Variants in EZH2 observed in about 807,000 individuals in gnomAD.
The protein encoded by EZH2 is enhancer of zeste 2 polycomb repressive complex 2 subunit.
EZH2 carries 18 observed loss-of-function variants against 98.4 expected under a neutral mutation model. That is an observed-to-expected ratio of 0.18 (90% confidence interval 0.13 to 0.27). The LOEUF is 0.27. EZH2 is among the 10% of genes least tolerant of loss of function. The pLI, the probability that EZH2 is intolerant of heterozygous loss-of-function variation, is 1.00. For synonymous variants in EZH2, 338 were observed against 312.3 expected (o/e 1.08, Z -0.87); for missense variants, 470 against 935.1 (o/e 0.50, Z 6.49).
chr7:148,856,248 T>C (rs1317390029), intron 1 of EZH2, among the ~76,000 whole-genome samples: 1 of 152,186 alleles, frequency 6.6e-6, no homozygotes, highest in African/African-American at 2.4e-5. Context: ...GAAAATACTC[T>C]ACATGTACAC....
chr7:148,826,530 G>A lies in EZH2; in HGVS notation c.831C>T (p.Ser277=). The part of the protein sequence containing the change: ...PNAKSVQREQ[S]LHSFHTLFCR... ...AGAAAAGCGTATGAAAGGAGTGTAA[G>A]CTTTGCTCTCTCTGAACAGATTTAG... is the stretch of plus-strand genomic sequence containing the variant. Residue 277 remains serine, a synonymous_variant, in exon 8 of 20, where the codon AGC becomes AGT. Transcript: ENST00000320356. 6.2e-7 allele frequency: 1 copy of A among 1,606,744 alleles called. No homozygotes were observed. Among genetic ancestry groups the A allele is most frequent in the South Asian group, 1.1e-5 (1 of 89,846 alleles).
At chr7:148,817,636 C>G in intron 10 of EZH2, 1 of 668,906 alleles carries the variant, frequency 1.5e-6, no homozygotes, top group Non-Finnish European at 2.5e-6. Context: ...GAAAATGGCA[C>G]AAAGAATGAG....
intron 3 of EZH2, chr7:148,836,678 A>G: frequency 2.6e-6 from 1 of 378,828 alleles, no homozygotes; most frequent in East Asian, 5.6e-5. Context: ...GGATCACACA[A>G]GGAAGTTAGA....
At chr7:148,854,921 A>G (rs1816559433) in intron 1 of EZH2, among the ~76,000 whole-genome samples, 1 of 152,278 alleles carries the variant, frequency 6.6e-6, no homozygotes, top group African/African-American at 2.4e-5. Context: ...ATATAAAGAG[A>G]ACTTAGACAT....
At chr7:148,811,551 T>TA in intron 16 of EZH2, 74 bp downstream of exon 16, 1 of 1,196,506 alleles carries the variant, frequency 8.4e-7, no homozygotes, top group South Asian at 1.3e-5. Flanking sequence ...CAGACTTACC[T>TA]AATAAAATCA....
chr7:148,874,823 G>A (rs891770962), intron 1 of EZH2, among the ~76,000 whole-genome samples: 6 of 151,708 alleles, frequency 4.0e-5, no homozygotes, highest in Non-Finnish European at 8.8e-5. Context: ...CGTGAACCCA[G>A]GAGGCAGAGC....
Position 148,816,731 on chromosome 7 carries a change from G to C in EZH2, c.1458C>G (p.Pro486=), listed in dbSNP as rs376661392. The C allele has an allele frequency of 6.2e-7, 1 of 1,614,106 alleles. No individual in the cohort carries two copies. Among genetic ancestry groups the C allele is most frequent in the Non-Finnish European group, 8.5e-7 (1 of 1,179,976 alleles). Residue 486 remains proline (P), a synonymous_variant, in exon 12 of 20, where the codon CCC becomes CCG. Coordinates refer to ENST00000320356, the MANE Select transcript of EZH2 (RefSeq NM_004456.5). ...TTGGAGGAGTATCCACATCCTCAGC[G>C]GGAGCTGGAGCTATGATGCTAGATT... The part of the protein sequence containing the change: ...VKESSIIAPA[P]AEDVDTPPRK...
Position 148,819,579 on chromosome 7 carries a change from T to C in EZH2, c.999+17A>G, listed in dbSNP as rs200748277. 16 of 1,605,942 alleles carry C rather than the reference T, an allele frequency of 1.0e-5. No individual in the cohort carries two copies. The highest frequency in any genetic ancestry group is 1.7e-5 in the Admixed American group (1 of 59,718). On this transcript the variant is annotated intron_variant, in intron 9 of 19. Coordinates refer to ENST00000320356, the MANE Select transcript of EZH2 (RefSeq NM_004456.5). Reference sequence around the variant, plus strand: ...CCTCTCAAGTACCCTCTGCAATAATTAGGCACTAAGTCTTACCAAATGCTG... The same window carrying C: ...CCTCTCAAGTACCCTCTGCAATAATCAGGCACTAAGTCTTACCAAATGCTG...
At chr7:148,813,248 C>T (rs905278877) in intron 15 of EZH2, among the ~76,000 whole-genome samples, 1 of 151,648 alleles carries the variant, frequency 6.6e-6, no homozygotes, top group Non-Finnish European at 1.5e-5. Context: ...GCACTCACAA[C>T]AGTGCCTATT....
At chr7:148,858,388 T>C (rs911561231) in intron 1 of EZH2, among the ~76,000 whole-genome samples, 2 of 152,036 alleles carry the variant, frequency 1.3e-5, no homozygotes, top group African/African-American at 4.8e-5. Flanking sequence ...CAGGCTGGAG[T>C]TCCGTGGCCC....
rs1009499184 is a variant in EZH2, at chr7:148,825,418, A to G, written c.907+1036T>C. Among the ~76,000 whole-genome samples the G allele has an allele frequency of 3.3e-5, 5 of 152,226 alleles. No individual in the cohort carries two copies. The East Asian group carries it at 9.6e-4, about 29-fold the overall frequency. ...CTAAAAATCTACTTCAAGTTTTTCTATTTTAAGATAACTAAACCACTAATA... is the reference window on the plus strand; with the variant it reads ...CTAAAAATCTACTTCAAGTTTTTCTGTTTTAAGATAACTAAACCACTAATA... On this transcript the variant is annotated intron_variant, in intron 8 of 19. Transcript: ENST00000320356.
intron 1 of EZH2, among the ~76,000 whole-genome samples, chr7:148,858,684 C>T (rs1585225536): frequency 6.6e-6 from 1 of 152,076 alleles, no homozygotes; most frequent in Non-Finnish European, 1.5e-5. Context: ...CTCCACCACA[C>T]CCAGCTAATT....
chr7:148,829,965 A>C (rs910516231), intron 4 of EZH2, 117 bp from the exon 5 acceptor site: 2 of 653,446 alleles, frequency 3.1e-6, no homozygotes, highest in Non-Finnish European at 2.3e-6. Flanking sequence ...CCAGATTTAA[A>C]ATACTAGTCA....
chr7:148,825,950 C>A (rs562922777), intron 8 of EZH2, among the ~76,000 whole-genome samples: 2 of 152,224 alleles, frequency 1.3e-5, no homozygotes, highest in South Asian at 2.1e-4. Flanking sequence ...ACCATACTTA[C>A]ATTTTCACTA....
intron 1 of EZH2, among the ~76,000 whole-genome samples, chr7:148,849,767 T>A (rs922732022): frequency 1.1e-4 from 16 of 152,350 alleles, no homozygotes; most frequent in African/African-American, 3.8e-4. Flanking sequence ...TATCTGCTAG[T>A]TAGTTAACAG....
At chr7:148,838,509 A>G (rs1403288388) in intron 3 of EZH2, among the ~76,000 whole-genome samples, 4 of 152,218 alleles carry the variant, frequency 2.6e-5, no homozygotes, top group Non-Finnish European at 4.4e-5. Flanking sequence ...TAAGCACTCA[A>G]AAAAGTACAT....
At chr7:148,842,020 C>T (rs923547651) in intron 3 of EZH2, among the ~76,000 whole-genome samples, 5 of 152,138 alleles carry the variant, frequency 3.3e-5, no homozygotes, top group African/African-American at 9.7e-5. Context: ...ATACGAGGAC[C>T]GTGATCCCCT....
At chr7:148,854,113 A>G (rs1374784206) in intron 1 of EZH2, among the ~76,000 whole-genome samples, 3 of 152,232 alleles carry the variant, frequency 2.0e-5, no homozygotes, top group African/African-American at 7.2e-5. Context: ...TAATTTGAAA[A>G]AAGTCCCATA....
intron 8 of EZH2, among the ~76,000 whole-genome samples, chr7:148,821,788 T>C (rs530295988): frequency 1.1e-4 from 17 of 152,384 alleles, no homozygotes; most frequent in South Asian, 2.1e-4. Context: ...ATTGTGCCAC[T>C]GCACCACTCT....
Sources: gnomAD v4.1 joint callset for allele counts (sites outside exome capture counted in the v4.1 genomes callset) on GRCh38, gnomAD v4.1.1 for gene constraint, MANE v1.5 for transcripts, NCBI Gene and HGNC (gene_info 2026-07-23, HGNC 2026-07-21) for gene names.